PLCB4: variants seen among roughly 807,000 people sequenced by gnomAD.
PLCB4 encodes phospholipase C beta 4.
PLCB4 carries 77 observed loss-of-function variants against 178.8 expected under a neutral mutation model. The ratio of observed to expected loss-of-function variants is 0.43; its 90% confidence interval spans 0.36 to 0.52. The LOEUF (loss-of-function observed/expected upper bound fraction) is 0.52, where lower values mean the gene tolerates loss of function less well. Ranked by LOEUF, PLCB4 falls within the 20% of genes least tolerant of loss-of-function variation. PLCB4 has a pLI of 0.00. For missense variants in PLCB4, 1,024 were observed against 1,453.4 expected, an observed-to-expected ratio of 0.70 and a Z score of 4.80; for synonymous variants, 496 against 490.8, an observed-to-expected ratio of 1.01 and a Z score of -0.14.
intron 4 of PLCB4, among the ~76,000 whole-genome samples, chr20:9,320,267 G>A (rs2094945266): frequency 6.6e-6 from 1 of 152,150 alleles, no homozygotes; most frequent in Non-Finnish European, 1.5e-5. Context: ...ACTATATAGG[G>A]TAACTTCCGG....
intron 7 of PLCB4, among the ~76,000 whole-genome samples, chr20:9,360,323 A>G (rs2148220499): frequency 6.6e-6 from 1 of 152,334 alleles, no homozygotes; most frequent in East Asian, 1.9e-4. Flanking sequence ...CCATCACAAT[A>G]AACAAGATTC....
intron 7 of PLCB4, among the ~76,000 whole-genome samples, chr20:9,340,753 C>T (rs905177910): frequency 3.3e-5 from 5 of 152,074 alleles, no homozygotes; most frequent in East Asian, 1.9e-4. Context: ...AGCAGATATA[C>T]GCTGGACCTC....
intron 2 of PLCB4, among the ~76,000 whole-genome samples, chr20:9,098,741 A>ATATGTGTGTG (rs139418572): frequency 0.014 from 1,875 of 135,458 alleles, 14 homozygotes; most frequent in Non-Finnish European, 0.021. Context: ...ATATACATAT[A>ATATGTGTGTG]TGTGTGTGTG....
At chr20:9,324,822 A>G (rs2147985060) in intron 4 of PLCB4, among the ~76,000 whole-genome samples, 1 of 152,308 alleles carries the variant, frequency 6.6e-6, no homozygotes, top group Non-Finnish European at 1.5e-5. Flanking sequence ...AGAAGACAAA[A>G]GTCCAACTGG....
chr20:9,328,811 C>T (rs922169140), intron 4 of PLCB4, among the ~76,000 whole-genome samples: 3 of 152,154 alleles, frequency 2.0e-5, no homozygotes, highest in African/African-American at 7.2e-5. Flanking sequence ...AAAGCTAGGA[C>T]GTGGACACAT....
intron 28 of PLCB4, among the ~76,000 whole-genome samples, chr20:9,430,992 T>C (rs1237642837): frequency 2.0e-5 from 3 of 152,232 alleles, no homozygotes; most frequent in Admixed American, 6.5e-5. Context: ...TGTACAGTTG[T>C]CTTGTTCTCC....
chr20:9,238,815 A>C (rs989645911), intron 3 of PLCB4, among the ~76,000 whole-genome samples: 1 of 152,234 alleles, frequency 6.6e-6, no homozygotes, highest in Admixed American at 6.5e-5. Context: ...ATAATTATTC[A>C]GTTTGGAAAG....
rs6056623 is a variant in PLCB4, at chr20:9,437,325, G to A, written c.2764+173G>A. On this transcript the variant is annotated intron_variant, in intron 30 of 39. Transcript: ENST00000378473. ...TCTCTTCCAGACCCTCCCATAGGTA[G>A]TTACCTGGACAGGCCGTGGGCTCAT... Among the ~76,000 whole-genome samples, 36,292 of 152,130 alleles carry A rather than the reference G, an allele frequency of 0.24. 5,182 individuals carry two copies. Among genetic ancestry groups the A allele is most frequent in the African/African-American group, 0.39 (16,063 of 41,472 alleles).
intron 9 of PLCB4, among the ~76,000 whole-genome samples, chr20:9,370,514 A>G (rs2036158419): frequency 6.6e-6 from 1 of 152,176 alleles, no homozygotes; most frequent in African/African-American, 2.4e-5. Context: ...TATTGTCAAC[A>G]TGAGGGTTTG....
At chr20:9,168,398 G>A (rs901984459) in intron 2 of PLCB4, among the ~76,000 whole-genome samples, 1 of 152,158 alleles carries the variant, frequency 6.6e-6, no homozygotes, top group African/African-American at 2.4e-5. Context: ...TGAAGGTGAC[G>A]CTGTTGATGA....
At chr20:9,306,251 G>A (rs1024972087) in intron 3 of PLCB4, among the ~76,000 whole-genome samples, 3 of 152,042 alleles carry the variant, frequency 2.0e-5, no homozygotes, top group South Asian at 2.1e-4. Flanking sequence ...GATTACAGGT[G>A]CCTGCCATCA....
chr20:9,392,805 T>A (rs1294904756), intron 17 of PLCB4, among the ~76,000 whole-genome samples: 1 of 151,576 alleles, frequency 6.6e-6, no homozygotes, highest in Non-Finnish European at 1.5e-5. Context: ...CAACAAAGGG[T>A]TTTATTTGAG....
chr20:9,075,793 G>A (rs1033984721), intron 1 of PLCB4, among the ~76,000 whole-genome samples: 1 of 152,200 alleles, frequency 6.6e-6, no homozygotes, highest in African/African-American at 2.4e-5. Context: ...GATTTATTTG[G>A]AGTCTTCTCA....
chr20:9,307,354 C>T (rs2094780163), intron 3 of PLCB4, among the ~76,000 whole-genome samples: 1 of 152,048 alleles, frequency 6.6e-6, no homozygotes, highest in Non-Finnish European at 1.5e-5. Flanking sequence ...GCAACTTATA[C>T]CCTGTGGGCT....
At chr20:9,382,455 G>A (rs1470737695) in intron 13 of PLCB4, among the ~76,000 whole-genome samples, 1 of 152,182 alleles carries the variant, frequency 6.6e-6, no homozygotes, top group African/African-American at 2.4e-5. Flanking sequence ...ACTTAGTGAG[G>A]ACTAAAGCCC....
chr20:9,132,284 TTGTGTG>T (rs34334709), intron 2 of PLCB4, among the ~76,000 whole-genome samples: 1 of 149,180 alleles, frequency 6.7e-6, no homozygotes, highest in Non-Finnish European at 1.5e-5. Flanking sequence ...GGCATAATGT[TTGTGTG>T]TGTGTGTGTG....
intron 3 of PLCB4, among the ~76,000 whole-genome samples, chr20:9,286,866 C>G (rs1290429584): frequency 6.6e-6 from 1 of 151,934 alleles, no homozygotes; most frequent in Admixed American, 6.6e-5. Context: ...GTCAAATAAC[C>G]AGAAAGGCTT....
chr20:9,163,791 A>G (rs921025110), intron 2 of PLCB4, among the ~76,000 whole-genome samples: 1 of 152,132 alleles, frequency 6.6e-6, no homozygotes, highest in Non-Finnish European at 1.5e-5. Context: ...ATTACATTCT[A>G]TATACCGTAA....
chr20:9,116,478 T>G (rs533952847), intron 2 of PLCB4, among the ~76,000 whole-genome samples: 27 of 152,206 alleles, frequency 1.8e-4, no homozygotes, highest in Non-Finnish European at 2.9e-4. Flanking sequence ...CCATTAGTTT[T>G]GCCTCACCTA....
Sources: allele counts gnomAD v4.1 joint callset (sites outside exome capture counted in the v4.1 genomes callset), GRCh38; gene constraint gnomAD v4.1.1; transcripts MANE v1.5; gene names NCBI Gene and HGNC (gene_info 2026-07-23, HGNC 2026-07-21).